The following RFC1 variants were observed in gnomAD, a reference collection of about 807,000 sequenced individuals.
RFC1 encodes the protein A1 140 kDa subunit.
In RFC1, 37 loss-of-function variants were observed where a neutral mutation model predicts 137.4. The ratio of observed to expected loss-of-function variants is 0.27; its 90% CI spans 0.21 to 0.35. The LOEUF (loss-of-function observed/expected upper bound fraction) is 0.35. Among genes scored for constraint, RFC1 ranks in the 10% least tolerant of loss-of-function variants. RFC1 has a pLI of 1.00. For synonymous variants in RFC1, 429 were observed against 455.7 expected (o/e 0.94, Z 0.75); for missense variants, 1,205 against 1,358.5 (o/e 0.89, Z 1.78).
intron 11 of RFC1, among the ~76,000 whole-genome samples, chr4:39,312,534 A>G (rs1397923588): frequency 1.3e-5 from 2 of 152,118 alleles, no homozygotes; most frequent in Non-Finnish European, 2.9e-5. Context: ...TAAATACACT[A>G]AAAAAAAGTC....
chr4:39,301,311 CACAGAGGATGTTCAGG>C (rs1294434321), intron 19 of RFC1, among the ~76,000 whole-genome samples: 1 of 152,094 alleles, frequency 6.6e-6, no homozygotes, highest in African/African-American at 2.4e-5. Flanking sequence ...ACAGGTAGAG[CACAGAGGATGTTCAGG>C]ACAGTGAAAC....
chr4:39,358,749 A>T (rs565640079), intron 1 of RFC1, among the ~76,000 whole-genome samples: 306 of 152,358 alleles, frequency 2.0e-3, no homozygotes, highest in Middle Eastern at 3.4e-3. Context: ...AAAAACAAAC[A>T]TATGCACAAA....
chr4:39,330,859 C>T (rs1398530950), intron 4 of RFC1, among the ~76,000 whole-genome samples: 1 of 152,080 alleles, frequency 6.6e-6, no homozygotes, highest in African/African-American at 2.4e-5. Flanking sequence ...AGTTCAACCA[C>T]GTTACAAAGA....
Position 39,291,672 on chromosome 4 carries a change from G to A in RFC1, c.3135C>T (p.Gly1045=). The A allele has an allele frequency of 1.2e-6, 2 of 1,614,042 alleles. No individual in the cohort carries two copies. Among genetic ancestry groups the A allele is most frequent in the Non-Finnish European group, 1.7e-6 (2 of 1,179,922 alleles). Residue 1045 remains glycine (G), a synonymous_variant, in exon 23 of 25, where the codon GGC becomes GGT. Coordinates refer to ENST00000349703, the MANE Select transcript of RFC1 (RefSeq NM_002913.5). ...ENIMEISSWG[G]KPSPFSKLDP... is the part of the protein sequence containing the mutation. ...CCAGCTTTGAAAAGGGACTAGGTTT[G>A]CCACCCCAGCTGCTGATTTCCATGA...
rs1737949795 is a variant in RFC1 at position 39,295,710 on chromosome 4, G to A, written c.2858C>T (p.Thr953Ile). ...LPGELMRGYM[T>I]QFPTFPSWLG... ...CCAGCTTGGGAAGGTGGGAAACTGG[G>A]TCATGTACCCCCTCATCAACTCTCC... The change falls in exon 22 of 25, where the codon ACC becomes ATC. Residue 953 changes from threonine (T) to isoleucine (I), a missense_variant. Physicochemically the swap from Thr to Ile is moderately conservative, Grantham distance 89. Coordinates refer to ENST00000349703, the MANE Select transcript of RFC1 (RefSeq NM_002913.5). 6.2e-7 allele frequency: 1 copy of A among 1,613,594 alleles called. No homozygotes were observed. Among genetic ancestry groups the A allele is most frequent in the East Asian group, 2.2e-5 (1 of 44,872 alleles).
intron 1 of RFC1, 25 bp downstream of exon 1, chr4:39,366,214 C>G: frequency 6.4e-7 from 1 of 1,554,360 alleles, no homozygotes. Flanking sequence ...GACCCCGAGC[C>G]GCACGGCCTC....
intron 1 of RFC1, among the ~76,000 whole-genome samples, chr4:39,361,912 G>A (rs1397196563): frequency 1.3e-5 from 2 of 151,926 alleles, no homozygotes; most frequent in African/African-American, 4.8e-5. Context: ...AGTGGCGGGC[G>A]CCTGTAGTCC....
intron 4 of RFC1, among the ~76,000 whole-genome samples, chr4:39,330,764 T>G (rs1740058943): frequency 6.6e-6 from 1 of 152,190 alleles, no homozygotes; most frequent in Non-Finnish European, 1.5e-5. Context: ...TCAACTATAG[T>G]CAATCTACCG....
chr4:39,331,724 A>G (rs1377466414), intron 4 of RFC1, among the ~76,000 whole-genome samples: 1 of 152,248 alleles, frequency 6.6e-6, no homozygotes, highest in Non-Finnish European at 1.5e-5. Flanking sequence ...ACATAACAGT[A>G]TGTTTAATGA....
chr4:39,332,115 C>T (rs1335638248), intron 4 of RFC1, among the ~76,000 whole-genome samples: 1 of 152,230 alleles, frequency 6.6e-6, no homozygotes, highest in African/African-American at 2.4e-5. Flanking sequence ...AGGTCCCCAG[C>T]CATGTGGAAC....
chr4:39,342,495 A>T lies in RFC1; in HGVS notation c.209-28T>A, dbSNP rs759409172. On this transcript the variant is annotated intron_variant, in intron 3 of 24. Transcript: ENST00000349703. Reference sequence around the variant, plus strand: ...GTATGTGAGAGAAAAATAAAACAAAACTTTGAAAAGAACTATTATAATATA... The same window carrying T: ...GTATGTGAGAGAAAAATAAAACAAATCTTTGAAAAGAACTATTATAATATA... 9.3e-6 allele frequency: 15 copies of T among 1,604,432 alleles called. No individual in the cohort carries two copies. In the Admixed American group the frequency reaches 2.2e-4, roughly 24 times the overall value.
intron 10 of RFC1, among the ~76,000 whole-genome samples, chr4:39,315,697 T>C (rs1739205325): frequency 6.6e-6 from 1 of 152,134 alleles, no homozygotes; most frequent in South Asian, 2.1e-4. Context: ...TCCCCAATAC[T>C]CTTTCTTCTC....
Position 39,306,620 on chromosome 4 carries a change from T to C in RFC1, c.1967A>G (p.Lys656Arg). ...ALLSGPPGVG[K>R]TTTASLVCQE... Reference sequence around the variant, plus strand: ...ACACACCAGGGAAGCTGTGGTGGTTTTGCCAACACCAGGAGGGCCTGACAG... The same window carrying C: ...ACACACCAGGGAAGCTGTGGTGGTTCTGCCAACACCAGGAGGGCCTGACAG... Residue 656 changes from lysine to arginine, a missense_variant, in exon 14 of 25, where the codon AAA (lysine) becomes AGA (arginine). Around this residue, in one of 3 missense-constraint regions of RFC1, gnomAD observed 962 missense variants for 1,035.3 expected, o/e 0.93. Coordinates refer to ENST00000349703, the MANE Select transcript of RFC1 (RefSeq NM_002913.5). The C allele has an allele frequency of 1.2e-6, 2 of 1,611,578 alleles. No individual in the cohort carries two copies. Among genetic ancestry groups the C allele is most frequent in the South Asian group, 1.1e-5 (1 of 91,014 alleles).
intron 1 of RFC1, among the ~76,000 whole-genome samples, chr4:39,353,137 A>G (rs1180836518): frequency 6.6e-6 from 1 of 152,172 alleles, no homozygotes; most frequent in African/African-American, 2.4e-5. Context: ...AAGGTAGCTC[A>G]TGCCTATAAT....
In RFC1 at chr4:39,347,690, G is replaced by A. The variant is rs76013845; in HGVS notation, c.133-2214C>T. Among the ~76,000 whole-genome samples the A allele has an allele frequency of 1.0e-2, 1,522 of 152,270 alleles. 23 individuals are homozygous for A. The highest frequency in any genetic ancestry group is 0.032 in the African/African-American group (1,346 of 41,546). On this transcript the variant is annotated intron_variant, in intron 2 of 24. Coordinates refer to ENST00000349703, the MANE Select transcript of RFC1 (RefSeq NM_002913.5). ...GCTGGTAGAAATATGAACGTTAAAT[G>A]TAATAACAATGAGAGCTGATGAAGA...
At chr4:39,289,729 A>C in intron 24 of RFC1, 119 bp downstream of exon 24, 1 of 715,736 alleles carries the variant, frequency 1.4e-6, no homozygotes, top group Non-Finnish European at 2.4e-6. Context: ...ATGATGAACA[A>C]AAAAACTTAA....
intron 4 of RFC1, among the ~76,000 whole-genome samples, chr4:39,337,431 A>C (rs923395254): frequency 3.3e-4 from 33 of 101,082 alleles, no homozygotes; most frequent in African/African-American, 1.4e-3. Context: ...ATGCTACTCA[A>C]ATAAGTGTGT....
chr4:39,295,562 G>A, intron 22 of RFC1, 52 bp downstream of exon 22: 3 of 1,496,424 alleles, frequency 2.0e-6, no homozygotes, highest in Non-Finnish European at 2.7e-6. Flanking sequence ...ACTGGATAAA[G>A]GCCAAATACA....
chr4:39,336,126 A>T (rs1403541965), intron 4 of RFC1, among the ~76,000 whole-genome samples: 1 of 152,158 alleles, frequency 6.6e-6, no homozygotes, highest in Non-Finnish European at 1.5e-5. Context: ...CAGGTCCCAT[A>T]ATACACACTA....
Sources: gnomAD v4.1 joint callset for allele counts (sites outside exome capture counted in the v4.1 genomes callset) on GRCh38, gnomAD v4.1.1 for gene constraint, gnomAD v4.1.1 regional missense constraint, MANE v1.5 for transcripts, NCBI Gene and HGNC (gene_info 2026-07-23, HGNC 2026-07-21) for gene names.